The following KCNH8 variants were observed in gnomAD, a reference collection of about 807,000 sequenced individuals.
The protein encoded by KCNH8 is voltage-gated delayed rectifier potassium channel KCNH8.
Under a neutral mutation model 103.6 loss-of-function variants are expected in KCNH8, and 70 were observed. The observed-to-expected ratio is 0.68, with a 90% CI of 0.56 to 0.82. KCNH8 has a LOEUF of 0.82. KCNH8 is among the 40% of genes least tolerant of loss of function. The probability of loss-of-function intolerance (pLI) is 0.00; values close to 1 mark genes in which losing one functional copy is unlikely to be tolerated. For synonymous variants in KCNH8, 498 were observed against 489.4 expected (o/e 1.02, Z -0.23); for missense variants, 1,217 against 1,329.9 (o/e 0.92, Z 1.32).
At chr3:19,269,747 TCCGCTC>T (rs1308090748) in intron 2 of KCNH8, among the ~76,000 whole-genome samples, 1 of 152,156 alleles carries the variant, frequency 6.6e-6, no homozygotes, top group Non-Finnish European at 1.5e-5. Context: ...CAAAGCAGCT[TCCGCTC>T]ATGGATTTCA....
At chr3:19,160,341 A>C (rs2063221695) in intron 1 of KCNH8, among the ~76,000 whole-genome samples, 1 of 152,226 alleles carries the variant, frequency 6.6e-6, no homozygotes, top group Admixed American at 6.5e-5. Flanking sequence ...TTTTTTTGGT[A>C]AGAGTTTTTT....
intron 5 of KCNH8, among the ~76,000 whole-genome samples, chr3:19,355,709 A>C (rs2065872498): frequency 6.6e-6 from 1 of 152,042 alleles, no homozygotes; most frequent in Admixed American, 6.6e-5. Flanking sequence ...CAGGGTGGGG[A>C]ACATCACACA....
intron 3 of KCNH8, among the ~76,000 whole-genome samples, chr3:19,284,836 A>T (rs541434533): frequency 6.6e-6 from 1 of 151,734 alleles, no homozygotes; most frequent in Admixed American, 6.6e-5. Context: ...GCTGATCAGA[A>T]ATCTTGGCTG....
chr3:19,523,175 T>C (rs985125487), intron 15 of KCNH8, among the ~76,000 whole-genome samples: 3 of 151,868 alleles, frequency 2.0e-5, no homozygotes, highest in East Asian at 1.9e-4. Context: ...AAGAAAGGCC[T>C]CTTTTTTTAG....
In KCNH8 at chr3:19,517,527, G is replaced by C. The variant is rs539284140; in HGVS notation, c.2543-471G>C. 5.9e-5 allele frequency among the ~76,000 whole-genome samples: 9 copies of C among 152,162 alleles called. No individual in the cohort carries two copies. In the East Asian group the frequency reaches 1.7e-3, roughly 30 times the overall value. On this transcript the variant is annotated intron_variant, in intron 14 of 15. Transcript: ENST00000328405. ...ATTACCCTTTAGAGTGATGCAGGAA[G>C]AGAAAGGCAACCTGCAGTGGATATC...
chr3:19,358,091 G>C (rs1235652460), intron 5 of KCNH8, among the ~76,000 whole-genome samples: 1 of 151,842 alleles, frequency 6.6e-6, no homozygotes, highest in Non-Finnish European at 1.5e-5. Context: ...CAACAGTAGA[G>C]GCCAAAAGGC....
intron 5 of KCNH8, among the ~76,000 whole-genome samples, chr3:19,373,953 A>G (rs1230991233): frequency 1.3e-5 from 2 of 152,098 alleles, no homozygotes; most frequent in African/African-American, 4.8e-5. Flanking sequence ...TTCTAGTTTG[A>G]TTGCACTGTG....
intron 15 of KCNH8, among the ~76,000 whole-genome samples, chr3:19,523,250 G>T (rs1277089831): frequency 6.6e-6 from 1 of 151,826 alleles, no homozygotes; most frequent in East Asian, 1.9e-4. Flanking sequence ...TTTAAAAATA[G>T]ATATTACAGA....
chr3:19,477,507 C>T (rs1330615796), intron 11 of KCNH8, among the ~76,000 whole-genome samples: 1 of 151,556 alleles, frequency 6.6e-6, no homozygotes, highest in Non-Finnish European at 1.5e-5. Context: ...GAGGCTTACA[C>T]TGCCCAACAG....
chr3:19,514,837 T>TAA (rs1292082055), intron 13 of KCNH8, among the ~76,000 whole-genome samples: 1 of 151,872 alleles, frequency 6.6e-6, no homozygotes, highest in Non-Finnish European at 1.5e-5. Flanking sequence ...TACCATACCT[T>TAA]AAAGTTTTGA....
chr3:19,276,968 A>G (rs1280033033), intron 2 of KCNH8, among the ~76,000 whole-genome samples: 1 of 152,190 alleles, frequency 6.6e-6, no homozygotes, highest in African/African-American at 2.4e-5. Context: ...AGTGCCCATC[A>G]AGGTATGGAT....
intron 8 of KCNH8, among the ~76,000 whole-genome samples, chr3:19,449,291 C>CATAT (rs71055066): frequency 0.01 from 1,449 of 140,140 alleles, 8 homozygotes; most frequent in East Asian, 0.014. Flanking sequence ...ACAAGAGTCC[C>CATAT]ATATATATAT....
chr3:19,482,188 C>T (rs1279530512), intron 11 of KCNH8, among the ~76,000 whole-genome samples: 1 of 152,156 alleles, frequency 6.6e-6, no homozygotes, highest in Admixed American at 6.5e-5. Flanking sequence ...TTCCACAGTG[C>T]TTTTCCATAC....
At chr3:19,314,601 CAAA>C (rs746887001) in intron 3 of KCNH8, among the ~76,000 whole-genome samples, 1 of 151,766 alleles carries the variant, frequency 6.6e-6, no homozygotes, top group Non-Finnish European at 1.5e-5. Context: ...AAACAACAAA[CAAA>C]AAACCCCACA....
intron 8 of KCNH8, among the ~76,000 whole-genome samples, chr3:19,444,231 A>G (rs2067328586): frequency 6.6e-6 from 1 of 152,092 alleles, no homozygotes; most frequent in Non-Finnish European, 1.5e-5. Context: ...AAACAGACTC[A>G]CACATGTTGT....
At chr3:19,279,581 A>G (rs528050768) in intron 2 of KCNH8, among the ~76,000 whole-genome samples, 3 of 151,708 alleles carry the variant, frequency 2.0e-5, no homozygotes, top group Admixed American at 1.3e-4. Flanking sequence ...AAAAAAAAAA[A>G]AAATAAGGAG....
chr3:19,480,767 T>G (rs1454447894), intron 11 of KCNH8, among the ~76,000 whole-genome samples: 1 of 152,216 alleles, frequency 6.6e-6, no homozygotes, highest in Non-Finnish European at 1.5e-5. Flanking sequence ...TGTTTTGCTT[T>G]TTTTGTTACA....
chr3:19,365,718 G>A (rs1029814241), intron 5 of KCNH8, among the ~76,000 whole-genome samples: 2 of 151,988 alleles, frequency 1.3e-5, no homozygotes, highest in African/African-American at 4.8e-5. Flanking sequence ...ATCCTGATAG[G>A]AGACAAACAG....
intron 1 of KCNH8, among the ~76,000 whole-genome samples, chr3:19,238,224 A>G (rs2064089964): frequency 6.6e-6 from 1 of 152,206 alleles, no homozygotes; most frequent in Non-Finnish European, 1.5e-5. Flanking sequence ...GGATAGCCTT[A>G]GTTACTAGAC....
Sources: gnomAD v4.1 joint callset for allele counts (sites outside exome capture counted in the v4.1 genomes callset) on GRCh38, gnomAD v4.1.1 for gene constraint, MANE v1.5 for transcripts, NCBI Gene and HGNC (gene_info 2026-07-23, HGNC 2026-07-21) for gene names.